LRIG2: variants seen among roughly 807,000 people sequenced by gnomAD.
The protein encoded by LRIG2 is leucine rich repeats and immunoglobulin like domains 2, also known as leucine-rich repeats and immunoglobulin-like domains protein 2.
Under a neutral mutation model 107.8 loss-of-function variants are expected in LRIG2, and 93 were observed. That is an observed-to-expected ratio of 0.86 (90% CI 0.73 to 1.03). The LOEUF (loss-of-function observed/expected upper bound fraction) is 1.03, where lower values mean the gene tolerates loss of function less well. Ranked by LOEUF, LRIG2 falls within the 50% of genes least tolerant of loss-of-function variation. The pLI is 0.00. For synonymous variants in LRIG2, 471 were observed against 470.6 expected, an observed-to-expected ratio of 1.00 and a Z score of -0.01; for missense variants, 1,226 against 1,296.0, an observed-to-expected ratio of 0.95 and a Z score of 0.83.
chr1:113,077,743 T>C (rs996503171), intron 1 of LRIG2, among the ~76,000 whole-genome samples: 1 of 152,116 alleles, frequency 6.6e-6, no homozygotes, highest in African/African-American at 2.4e-5. Flanking sequence ...ATTTATTTAT[T>C]TATTTATTCT....
Position 113,132,001 on chromosome 1 carries a change from C to G in LRIG2, c.*7900C>G, listed in dbSNP as rs1316475770. On this transcript the variant is annotated 3_prime_UTR_variant, in exon 18 of 18. Coordinates refer to ENST00000361127, the MANE Select transcript of LRIG2 (RefSeq NM_014813.3). ...ATGTCTCTTTGCTGTTTACTGTGGC[C>G]TCTTTACAATGGTGAGACTTATTTC... 2 of 151,958 alleles carry G rather than the reference C, an allele frequency of 1.3e-5. No homozygotes were observed. Among genetic ancestry groups the G allele is most frequent in the African/African-American group, 4.8e-5 (2 of 41,338 alleles). 9.4% of individuals were successfully genotyped at this position (151,958 alleles called of 1,614,324 possible). A position where few individuals can be genotyped will look rare whatever the true frequency, so the allele number is the denominator to read the frequency against.
At chr1:113,099,329 C>G (rs939968887) in intron 9 of LRIG2, among the ~76,000 whole-genome samples, 1 of 149,360 alleles carries the variant, frequency 6.7e-6, no homozygotes, top group African/African-American at 2.5e-5. Context: ...CTTCAACCTC[C>G]TAGGCTCAAG....
chr1:113,110,166 A>G (rs1368150125), intron 12 of LRIG2, 76 bp from the exon 13 acceptor site: 2 of 1,025,804 alleles, frequency 1.9e-6, no homozygotes, highest in Non-Finnish European at 2.9e-6. Flanking sequence ...ACACAATTTT[A>G]TAGTATTTTT....
In LRIG2 at chr1:113,122,432, A is replaced by T. The variant is rs115943429; in HGVS notation, c.2972-1443A>T. 4.7e-3 allele frequency among the ~76,000 whole-genome samples: 709 copies of T among 152,318 alleles called. 10 individuals carry two copies. Among genetic ancestry groups the T allele is most frequent in the African/African-American group, 0.016 (683 of 41,572 alleles). On this transcript the variant is annotated intron_variant, in intron 17 of 17. Coordinates refer to ENST00000361127, the MANE Select transcript of LRIG2 (RefSeq NM_014813.3). Reference sequence around the variant, plus strand: ...AAAGACTTCTAAAGAGGTACAGGTCAGAGGAAAGCACTATTACTGAAGTTA... The same window carrying T: ...AAAGACTTCTAAAGAGGTACAGGTCTGAGGAAAGCACTATTACTGAAGTTA...
intron 11 of LRIG2, 91 bp from the exon 12 acceptor site, chr1:113,107,503 A>G (rs879780519): frequency 8.5e-7 from 1 of 1,179,494 alleles, no homozygotes; most frequent in Non-Finnish European, 1.2e-6. Context: ...TGGCAAGAAT[A>G]ATGGATAGGT....
intron 1 of LRIG2, among the ~76,000 whole-genome samples, chr1:113,085,911 T>C (rs947188302): frequency 1.3e-5 from 2 of 152,066 alleles, no homozygotes; most frequent in African/African-American, 2.4e-5. Context: ...TTAGAATTCT[T>C]GTGTTTAGTT....
In LRIG2 at chr1:113,114,588, A is replaced by T; in HGVS notation, c.2242A>T (p.Asn748Tyr). The T allele has an allele frequency of 1.9e-6, 3 of 1,614,126 alleles. No homozygotes were observed. In the East Asian group the frequency reaches 6.7e-5, roughly 36 times the overall value. Residue 748 changes from asparagine (N) to tyrosine (Y), a missense_variant, in exon 15 of 18, where the codon AAT becomes TAT. Around this residue, in one of 3 missense-constraint regions of LRIG2, gnomAD observed 642 missense variants for 712.2 expected, o/e 0.90. Transcript: ENST00000361127. ...AGAACGACATTTCTTTGCTGCAGCC[A>T]ATCAGCTTCTCATCATTGTAGATGC... is the stretch of plus-strand genomic sequence containing the variant. ...VTERHFFAAA[N>Y]QLLIIVDAGL... is the part of the protein sequence containing the mutation.
intron 4 of LRIG2, among the ~76,000 whole-genome samples, 156 bp downstream of exon 4, chr1:113,093,720 A>C (rs1397769670): frequency 1.3e-5 from 2 of 152,140 alleles, no homozygotes; most frequent in African/African-American, 4.8e-5. Context: ...ACATGTATAC[A>C]TATGTAACTA....
At chr1:113,106,173 GGCC>G (rs1290490794) in intron 11 of LRIG2, among the ~76,000 whole-genome samples, 1 of 151,684 alleles carries the variant, frequency 6.6e-6, no homozygotes, top group Admixed American at 6.6e-5. Flanking sequence ...GGTTGCAGTG[GGCC>G]GAGATTGCGC....
chr1:113,091,100 A>G (rs1002990394), intron 1 of LRIG2, among the ~76,000 whole-genome samples: 9 of 151,562 alleles, frequency 5.9e-5, no homozygotes, highest in Non-Finnish European at 1.3e-4. Context: ...CACCTGGCAA[A>G]TATTTGTATT....
Position 113,114,877 on chromosome 1 carries a change from G to C in LRIG2, c.2530+1G>C. ...GAAGACTATAGTATCACAAACACAG[G>C]TAAGTAGTACCCACATGACACCTAT... is the stretch of plus-strand genomic sequence containing the variant. On this transcript the variant is annotated splice_donor_variant, in intron 15 of 17. Coordinates refer to ENST00000361127, the MANE Select transcript of LRIG2 (RefSeq NM_014813.3). LOFTEE classifies it high-confidence loss of function. 1 of 1,599,244 alleles carries C rather than the reference G, an allele frequency of 6.3e-7. No individual in the cohort carries two copies. The highest frequency in any genetic ancestry group is 8.5e-7 in the Non-Finnish European group (1 of 1,174,552).
In LRIG2 at chr1:113,112,760, G is replaced by A; in HGVS notation, c.2080G>A (p.Glu694Lys). 1 of 1,597,074 alleles carries A rather than the reference G, an allele frequency of 6.3e-7. No homozygotes were observed. The highest frequency in any genetic ancestry group is 8.6e-7 in the Non-Finnish European group (1 of 1,166,134). The change falls in exon 14 of 18, where the codon GAG becomes AAG. Residue 694 changes from glutamate to lysine, a missense_variant and splice_region_variant. Transcript: ENST00000361127. ...AGCAAATGCTTCCCTAACAGTGTTA[G>A]GTACGTTTACTGCTCCATGGGTCCC... Reference protein sequence around the residue: ...LSANASLTVLETPSFIRPLED... With the variant: ...LSANASLTVLKTPSFIRPLED...
At position 113,116,365 on chromosome 1, in the gene LRIG2, G is replaced by C. The variant is rs1655011020; in HGVS notation, c.2609G>C (p.Ser870Thr). ...CTGTCTGAGCCACAGGAAGGCTACAGCAACTCTGAGGCAGGCAGTCATCAG... is the reference window on the plus strand; with the variant it reads ...CTGTCTGAGCCACAGGAAGGCTACACCAACTCTGAGGCAGGCAGTCATCAG... ...GTLSEPQEGY[S>T]NSEAGSHQQL... Residue 870 changes from serine (S) to threonine (T), a missense_variant, in exon 16 of 18, where the codon AGC becomes ACC. This residue lies in a region of LRIG2 where 642 missense variants were observed against 712.2 expected (regional missense o/e 0.90). Coordinates refer to ENST00000361127, the MANE Select transcript of LRIG2 (RefSeq NM_014813.3). 6 of 1,614,058 alleles carry C rather than the reference G, an allele frequency of 3.7e-6. No homozygotes were observed. The East Asian group carries it at 1.3e-4, about 36-fold the overall frequency.
intron 1 of LRIG2, among the ~76,000 whole-genome samples, chr1:113,082,416 A>C (rs556963550): frequency 6.6e-6 from 1 of 152,310 alleles, no homozygotes; most frequent in South Asian, 2.1e-4. Flanking sequence ...TATACAATTA[A>C]ATCAGACTGG....
In LRIG2 at chr1:113,124,081, GAT is replaced by G; in HGVS notation, c.3179_3180del (p.Asp1060GlyfsTer2). 6.2e-7 allele frequency: 1 copy of G among 1,614,170 alleles called. No individual in the cohort carries two copies. The highest frequency in any genetic ancestry group is 8.5e-7 in the Non-Finnish European group (1 of 1,180,028). On this transcript the variant is annotated frameshift_variant, in exon 18 of 18. Coordinates refer to ENST00000361127, the MANE Select transcript of LRIG2 (RefSeq NM_014813.3). LOFTEE classifies it high-confidence loss of function. ...FDFSRTRNIQ[D>X]GSEGT ...TTTTAGTAGGACTCGGAACATTCAA[GAT>G]GGTAGTGAGGGCACATGAAACTCAC...
rs776956140 is a variant in LRIG2 at position 113,110,364 on chromosome 1, C to T, written c.1600C>T (p.Arg534Cys). 1.9e-5 allele frequency: 31 copies of T among 1,614,078 alleles called. No individual in the cohort carries two copies. The highest frequency in any genetic ancestry group is 3.3e-5 in the Admixed American group (2 of 60,020). ...SSDSPMSTVWRKDSEILYDVD... is the reference protein window; with the variant it reads ...SSDSPMSTVWCKDSEILYDVD... ...TGATTCACCCATGTCCACTGTGTGG[C>T]GCAAAGACAGTGAAATCCTGTATGA... The change falls in exon 13 of 18, where the codon CGC becomes TGC. Residue 534 changes from arginine to cysteine, a missense_variant. Physicochemically the swap from Arg to Cys is radical, Grantham distance 180. Transcript: ENST00000361127.
At chr1:113,081,078 T>C (rs549888481) in intron 1 of LRIG2, among the ~76,000 whole-genome samples, 1 of 152,044 alleles carries the variant, frequency 6.6e-6, no homozygotes, top group Admixed American at 6.6e-5. Context: ...CCTGACCTCG[T>C]GATCTGCCTA....
chr1:113,109,288 C>G (rs182879284), intron 12 of LRIG2, among the ~76,000 whole-genome samples: 1 of 152,210 alleles, frequency 6.6e-6, no homozygotes, highest in Non-Finnish European at 1.5e-5. Flanking sequence ...ACCTGCTTCT[C>G]TCAATCAGTC....
chr1:113,088,466 G>A (rs1653653043), intron 1 of LRIG2, among the ~76,000 whole-genome samples: 1 of 152,120 alleles, frequency 6.6e-6, no homozygotes, highest in South Asian at 2.1e-4. Flanking sequence ...AAATGATTAT[G>A]TGGGTCAATG....
Sources: allele counts gnomAD v4.1 joint callset (sites outside exome capture counted in the v4.1 genomes callset), GRCh38; gene constraint gnomAD v4.1.1; regional missense constraint gnomAD v4.1.1; transcripts MANE v1.5; gene names NCBI Gene and HGNC (gene_info 2026-07-23, HGNC 2026-07-21).